The following PTPRD variants were observed in gnomAD, a reference collection of about 807,000 sequenced individuals.
PTPRD encodes the protein protein tyrosine phosphatase receptor type D.
In PTPRD, 34 loss-of-function variants were observed where a neutral mutation model predicts 214.5. The observed-to-expected ratio is 0.16, with a 90% CI of 0.12 to 0.21. PTPRD has a LOEUF of 0.21. PTPRD is among the 10% of genes least tolerant of loss of function. PTPRD has a pLI of 1.00. For synonymous variants in PTPRD, 1,128 were observed against 845.7 expected (o/e 1.33, Z -5.79); for missense variants, 2,545 against 2,398.7 (o/e 1.06, Z -1.27).
intron 3 of PTPRD, among the ~76,000 whole-genome samples, chr9:10,108,847 A>G (rs1265200649): frequency 1.4e-5 from 2 of 145,054 alleles, no homozygotes; most frequent in Non-Finnish European, 3.0e-5. Flanking sequence ...TGTTAACTGA[A>G]TTAAGTCAGG....
Position 9,396,954 on chromosome 9 carries a change from G to A in PTPRD, c.-203+495C>T, listed in dbSNP as rs145712865. 2.6e-5 allele frequency among the ~76,000 whole-genome samples: 4 copies of A among 152,108 alleles called. No individual in the cohort carries two copies. In the South Asian group the frequency reaches 6.2e-4, roughly 24 times the overall value. ...CCAGAGATTAACTATATTGTTCCAA[G>A]TTATATCCACTCATCTTAGTTTCCA... On this transcript the variant is annotated intron_variant, in intron 9 of 45. Transcript: ENST00000381196.
In PTPRD at chr9:8,716,836, T is replaced by C. The variant is rs1345403929; in HGVS notation, c.64+16944A>G. Among the ~76,000 whole-genome samples the C allele has an allele frequency of 3.3e-5, 5 of 152,120 alleles. No homozygotes were observed. In the East Asian group the frequency reaches 5.8e-4, roughly 18 times the overall value. ...CACTGGCTGTATGGAAGGCCCAGTA[T>C]TGGAATGTAGGGGGTTGGGGGTGAG... On this transcript the variant is annotated intron_variant, in intron 12 of 45. Coordinates refer to ENST00000381196, the MANE Select transcript of PTPRD (RefSeq NM_002839.4).
At chr9:9,520,822 A>C (rs1345530242) in intron 8 of PTPRD, among the ~76,000 whole-genome samples, 1 of 152,174 alleles carries the variant, frequency 6.6e-6, no homozygotes, top group Non-Finnish European at 1.5e-5. Context: ...TCGTAGAATC[A>C]AGGGTTTAGC....
At chr9:8,412,194 C>T (rs1170544584) in intron 35 of PTPRD, among the ~76,000 whole-genome samples, 3 of 152,044 alleles carry the variant, frequency 2.0e-5, no homozygotes, top group South Asian at 2.1e-4. Flanking sequence ...ACTTCTTGAG[C>T]CCTGGAGTTT....
chr9:10,385,896 A>C (rs1658507517), intron 2 of PTPRD, among the ~76,000 whole-genome samples: 1 of 151,860 alleles, frequency 6.6e-6, no homozygotes, highest in South Asian at 2.1e-4. Context: ...ATAAGAGATA[A>C]TTATATTTTT....
At chr9:10,300,181 T>A (rs866406919) in intron 3 of PTPRD, among the ~76,000 whole-genome samples, 1 of 152,110 alleles carries the variant, frequency 6.6e-6, no homozygotes, top group South Asian at 2.1e-4. Context: ...AAAATTCACG[T>A]AGTATAGTTT....
At chr9:9,314,778 G>A (rs10977653) in intron 9 of PTPRD, among the ~76,000 whole-genome samples, 16,399 of 151,912 alleles carry the variant, frequency 0.11, 1,194 homozygotes, top group Non-Finnish European at 0.15. Context: ...TTAACAAAAC[G>A]AATCTAAAAT....
At chr9:9,842,296 GCATT>G (rs1347737697) in intron 5 of PTPRD, among the ~76,000 whole-genome samples, 3 of 98,608 alleles carry the variant, frequency 3.0e-5, no homozygotes, top group Non-Finnish European at 6.8e-5. Context: ...CTGAAGGAGA[GCATT>G]TTTTTTTTTT....
At position 8,424,786 on chromosome 9, in the gene PTPRD, A is replaced by G. The variant is rs575618845; in HGVS notation, c.4086+11806T>C. Among the ~76,000 whole-genome samples the G allele has an allele frequency of 3.7e-3, 558 of 152,270 alleles. 6 individuals are homozygous for G. Among genetic ancestry groups the G allele is most frequent in the Middle Eastern group, 0.02 (6 of 294 alleles). On this transcript the variant is annotated intron_variant, in intron 35 of 45. Transcript: ENST00000381196. ...ACAAATTAAATCAGGGGTGTCTGTG[A>G]GCCACTGGTTGAAGTTTAGAGGACT...
intron 12 of PTPRD, among the ~76,000 whole-genome samples, chr9:8,720,796 G>A (rs546143315): frequency 6.6e-6 from 1 of 152,052 alleles, no homozygotes; most frequent in Non-Finnish European, 1.5e-5. Flanking sequence ...CATGACTCTA[G>A]GGCCTGAAGA....
chr9:8,980,600 AT>A (rs2099307054), intron 11 of PTPRD, among the ~76,000 whole-genome samples: 2 of 152,150 alleles, frequency 1.3e-5, no homozygotes, highest in African/African-American at 2.4e-5. Context: ...ATCTCAGAAA[AT>A]TCCCCAAGGA....
rs34478548 is a variant in PTPRD, at chr9:10,446,417, C to CTT, written c.-599-105402_-599-105401dup. Among the ~76,000 whole-genome samples the CTT allele has an allele frequency of 3.2e-3, 299 of 92,956 alleles. 1 individual carries two copies. Among genetic ancestry groups the CTT allele is most frequent in the African/African-American group, 5.3e-3 (130 of 24,498 alleles). 61.0% of individuals were successfully genotyped at this position (92,956 alleles called of 152,430 possible). ...AACTTTTTATTAAAACTATTTTTTT[C>CTT]TTTTTTTTTTTTTTTTTTTTTTTGC... On this transcript the variant is annotated intron_variant, in intron 2 of 45. Coordinates refer to ENST00000381196, the MANE Select transcript of PTPRD (RefSeq NM_002839.4).
intron 11 of PTPRD, among the ~76,000 whole-genome samples, chr9:8,906,589 A>G (rs1388996849): frequency 6.6e-6 from 1 of 152,200 alleles, no homozygotes; most frequent in Non-Finnish European, 1.5e-5. Context: ...AAAAGTAACC[A>G]CTTGCAAAGG....
chr9:10,146,372 G>A (rs2099023135), intron 3 of PTPRD, among the ~76,000 whole-genome samples: 1 of 151,764 alleles, frequency 6.6e-6, no homozygotes, highest in African/African-American at 2.4e-5. Flanking sequence ...TAAAACCCCT[G>A]TCCTATATAA....
At chr9:9,839,533 C>A (rs2057757890) in intron 5 of PTPRD, among the ~76,000 whole-genome samples, 2 of 152,028 alleles carry the variant, frequency 1.3e-5, no homozygotes, top group African/African-American at 2.4e-5. Flanking sequence ...CTACAAACCA[C>A]TGCTCAATGA....
intron 10 of PTPRD, among the ~76,000 whole-genome samples, chr9:9,165,028 G>A (rs1254739498): frequency 6.7e-6 from 1 of 148,354 alleles, no homozygotes; most frequent in Non-Finnish European, 1.5e-5. Flanking sequence ...CTCCAGCCTG[G>A]GTGACAGAGC....
chr9:8,766,461 T>C (rs2094757101), intron 11 of PTPRD, among the ~76,000 whole-genome samples: 1 of 152,200 alleles, frequency 6.6e-6, no homozygotes, highest in Admixed American at 6.5e-5. Flanking sequence ...CCTGCAATTC[T>C]GAACTTGAAT....
chr9:10,459,017 T>G (rs894536537), intron 2 of PTPRD, among the ~76,000 whole-genome samples: 1 of 152,180 alleles, frequency 6.6e-6, no homozygotes, highest in African/African-American at 2.4e-5. Context: ...GTCATCTACA[T>G]TAGGTATTTC....
chr9:10,199,103 A>T (rs921575349), intron 3 of PTPRD, among the ~76,000 whole-genome samples: 1 of 151,904 alleles, frequency 6.6e-6, no homozygotes, highest in Non-Finnish European at 1.5e-5. Context: ...ATGGTATAGA[A>T]GAGAGATCAC....
Sources: gnomAD v4.1 joint callset for allele counts (sites outside exome capture counted in the v4.1 genomes callset) on GRCh38, gnomAD v4.1.1 for gene constraint, MANE v1.5 for transcripts, NCBI Gene and HGNC (gene_info 2026-07-23, HGNC 2026-07-21) for gene names.